The following COX7B2 variants were observed in gnomAD, a reference collection of about 807,000 sequenced individuals.
COX7B2 encodes the protein cytochrome c oxidase subunit 7B2, mitochondrial.
For missense variants in COX7B2, 109 were observed against 95.9 expected, an observed-to-expected ratio of 1.14 and a Z score of -0.57; for synonymous variants, 37 against 32.1, an observed-to-expected ratio of 1.15 and a Z score of -0.51.
chr4:46,858,162 C>T (rs773565394), intron 1 of COX7B2, among the ~76,000 whole-genome samples: 2 of 152,086 alleles, frequency 1.3e-5, no homozygotes, highest in Admixed American at 6.6e-5. Context: ...GGCATGATCT[C>T]GGCTTACTGC....
intron 1 of COX7B2, among the ~76,000 whole-genome samples, chr4:46,867,266 C>T (rs532307423): frequency 6.6e-6 from 1 of 152,286 alleles, no homozygotes; most frequent in African/African-American, 2.4e-5. Flanking sequence ...AGAAGATGGA[C>T]CTCCACTCTT....
chr4:46,882,221 T>A (rs1718792886), intron 1 of COX7B2, among the ~76,000 whole-genome samples: 1 of 152,186 alleles, frequency 6.6e-6, no homozygotes, highest in Non-Finnish European at 1.5e-5. Flanking sequence ...AATTATGTGG[T>A]CAATTTTAGA....
chr4:46,842,693 T>C lies in COX7B2; in HGVS notation c.-50+2267A>G, dbSNP rs549714139. 7.7e-3 allele frequency among the ~76,000 whole-genome samples: 1,174 copies of C among 152,142 alleles called. 18 individuals carry two copies. Among genetic ancestry groups the C allele is most frequent in the African/African-American group, 0.027 (1,131 of 41,520 alleles). On this transcript the variant is annotated intron_variant, in intron 2 of 2. Transcript: ENST00000355591. Reference sequence around the variant, plus strand: ...TGCGATAGTTTGCTGAGAATGATGGTTTCCAGTTTCATCCATGTCCCTACA... The same window carrying C: ...TGCGATAGTTTGCTGAGAATGATGGCTTCCAGTTTCATCCATGTCCCTACA...
intron 2 of COX7B2, among the ~76,000 whole-genome samples, chr4:46,764,272 C>CAGTG (rs1425959637): frequency 6.6e-6 from 1 of 152,152 alleles, no homozygotes; most frequent in Non-Finnish European, 1.5e-5. Flanking sequence ...GAGCCAGGCA[C>CAGTG]AGTGGCTCAC....
At chr4:46,883,152 T>C (rs1718857021) in intron 1 of COX7B2, among the ~76,000 whole-genome samples, 1 of 152,236 alleles carries the variant, frequency 6.6e-6, no homozygotes, top group African/African-American at 2.4e-5. Flanking sequence ...GCAATACTAC[T>C]GAGTATAATT....
intron 2 of COX7B2, among the ~76,000 whole-genome samples, chr4:46,793,830 T>A (rs1718175465): frequency 6.6e-6 from 1 of 152,198 alleles, no homozygotes; most frequent in African/African-American, 2.4e-5. Flanking sequence ...GGGATTGAGA[T>A]GTGTGGGAAG....
Position 46,881,947 on chromosome 4 carries a change from C to T in COX7B2, c.-105+27213G>A, listed in dbSNP as rs191492418. ...TGTGGGCCTTTAGTGCTATGAATTTCCCTCTTAACACTGACTTCTGTGTCC... is the reference window on the plus strand; with the variant it reads ...TGTGGGCCTTTAGTGCTATGAATTTTCCTCTTAACACTGACTTCTGTGTCC... On this transcript the variant is annotated intron_variant, in intron 1 of 2. Transcript: ENST00000355591. Among the ~76,000 whole-genome samples, 178 of 152,224 alleles carry T rather than the reference C, an allele frequency of 1.2e-3. 2 individuals carry two copies. The highest frequency in any genetic ancestry group is 6.8e-3 in the Middle Eastern group (2 of 294).
chr4:46,740,202 C>A (rs905575823), intron 2 of COX7B2, among the ~76,000 whole-genome samples: 3 of 151,716 alleles, frequency 2.0e-5, no homozygotes. Flanking sequence ...TTGCAAGGGA[C>A]AAAATAAAGA....
intron 2 of COX7B2, among the ~76,000 whole-genome samples, chr4:46,815,844 G>A (rs1440100859): frequency 6.6e-6 from 1 of 152,132 alleles, no homozygotes; most frequent in Non-Finnish European, 1.5e-5. Context: ...CTCTAATACA[G>A]ATTAATTGTC....
At chr4:46,889,972 A>T (rs960982672) in intron 1 of COX7B2, among the ~76,000 whole-genome samples, 1 of 151,676 alleles carries the variant, frequency 6.6e-6, no homozygotes, top group African/African-American at 2.4e-5. Flanking sequence ...AAAAAAAATG[A>T]CTTATCCAAA....
intron 2 of COX7B2, among the ~76,000 whole-genome samples, chr4:46,802,714 C>G (rs898471438): frequency 6.6e-6 from 1 of 152,138 alleles, no homozygotes; most frequent in African/African-American, 2.4e-5. Context: ...ACTCAGCTGT[C>G]ACATTGGCAA....
chr4:46,819,837 A>G (rs1714150537), intron 2 of COX7B2, among the ~76,000 whole-genome samples: 1 of 152,254 alleles, frequency 6.6e-6, no homozygotes. Context: ...CATGGTCACA[A>G]TTACCTTGAT....
At chr4:46,762,833 ATAAT>A (rs1716269029) in intron 2 of COX7B2, among the ~76,000 whole-genome samples, 1 of 148,810 alleles carries the variant, frequency 6.7e-6, no homozygotes, top group African/African-American at 2.5e-5. Context: ...TCAAGGTCAC[ATAAT>A]TAATAAAGTT....
At chr4:46,873,889 C>G (rs1368676710) in intron 1 of COX7B2, among the ~76,000 whole-genome samples, 1 of 152,080 alleles carries the variant, frequency 6.6e-6, no homozygotes, top group African/African-American at 2.4e-5. Context: ...TTTCATTGTT[C>G]AATTCCCACC....
At chr4:46,790,037 C>T (rs1056131091) in intron 2 of COX7B2, among the ~76,000 whole-genome samples, 1 of 151,606 alleles carries the variant, frequency 6.6e-6, no homozygotes, top group African/African-American at 2.4e-5. Flanking sequence ...TGGTTTTAGA[C>T]ATCCACACAT....
chr4:46,864,220 A>G (rs1364197502), intron 1 of COX7B2, among the ~76,000 whole-genome samples: 2 of 152,196 alleles, frequency 1.3e-5, no homozygotes, highest in Non-Finnish European at 2.9e-5. Flanking sequence ...CCCCACTGCC[A>G]TTAAGCTTCA....
chr4:46,803,027 T>C (rs1328965707), intron 2 of COX7B2, among the ~76,000 whole-genome samples: 1 of 152,204 alleles, frequency 6.6e-6, no homozygotes, highest in African/African-American at 2.4e-5. Context: ...AGGAAGTAGA[T>C]TCCATAAACC....
At chr4:46,823,488 G>A (rs1161798804) in intron 2 of COX7B2, among the ~76,000 whole-genome samples, 2 of 151,120 alleles carry the variant, frequency 1.3e-5, no homozygotes, top group Non-Finnish European at 3.0e-5. Flanking sequence ...CAAATATTTG[G>A]AAATTAAACA....
intron 2 of COX7B2, among the ~76,000 whole-genome samples, chr4:46,803,370 G>A (rs1174580994): frequency 6.6e-6 from 1 of 151,732 alleles, no homozygotes; most frequent in Non-Finnish European, 1.5e-5. Flanking sequence ...AAAAAATTTG[G>A]GATATAATTA....
Sources: allele counts gnomAD v4.1 joint callset (sites outside exome capture counted in the v4.1 genomes callset), GRCh38; gene constraint gnomAD v4.1.1; transcripts MANE v1.5; gene names NCBI Gene and HGNC (gene_info 2026-07-23, HGNC 2026-07-21).